The following SIPA1L3 variants were observed in gnomAD, a reference collection of about 807,000 sequenced individuals.
The protein encoded by SIPA1L3 is signal-induced proliferation-associated 1-like protein 3.
Under a neutral mutation model 150.1 loss-of-function variants are expected in SIPA1L3, and 59 were observed. That is an observed-to-expected ratio of 0.39 (90% confidence interval 0.32 to 0.49). The LOEUF is 0.49. Among genes scored for constraint, SIPA1L3 ranks in the 20% least tolerant of loss-of-function variants. The pLI, the probability that SIPA1L3 is intolerant of heterozygous loss-of-function variation, is 0.86. For synonymous variants in SIPA1L3, 1,070 were observed against 1,077.6 expected, an observed-to-expected ratio of 0.99 and a Z score of 0.14; for missense variants, 2,211 against 2,489.5, an observed-to-expected ratio of 0.89 and a Z score of 2.38.
chr19:38,195,792 G>GGCC (rs1972909893), intron 18 of SIPA1L3, among the ~76,000 whole-genome samples: 1 of 22,804 alleles, frequency 4.4e-5, no homozygotes, highest in African/African-American at 2.5e-4. Flanking sequence ...CACAGGCCCC[G>GGCC]TCCCCCCCCG....
In SIPA1L3 at chr19:38,203,459, TGCGCG is replaced by T. The variant is rs1185603545; in HGVS notation, c.5121-667_5121-663del. On this transcript the variant is annotated intron_variant, in intron 20 of 21. Coordinates refer to ENST00000222345, the MANE Select transcript of SIPA1L3 (RefSeq NM_015073.3). ...GCCCCAACTCCAAGCAGGAAAGGGC[TGCGCG>T]TTCTCTGCAGCGGCCAGGCAGGCCC... 1.8e-3 allele frequency among the ~76,000 whole-genome samples: 270 copies of T among 152,318 alleles called. 1 individual carries two copies. The highest frequency in any genetic ancestry group is 6.0e-3 in the African/African-American group (248 of 41,542).
intron 9 of SIPA1L3, among the ~76,000 whole-genome samples, chr19:38,129,915 A>C (rs1971268050): frequency 6.6e-6 from 1 of 152,068 alleles, no homozygotes; most frequent in African/African-American, 2.4e-5. Context: ...AAAAATACAA[A>C]AATTAGCCAG....
chr19:37,963,927 T>A (rs945707587), intron 1 of SIPA1L3: 3 of 152,116 alleles, frequency 2.0e-5, no homozygotes, highest in African/African-American at 7.2e-5. Context: ...AGTTGTTGGG[T>A]TTGGTTTTTG....
At chr19:38,088,153 G>A (rs1321661945) in intron 3 of SIPA1L3, among the ~76,000 whole-genome samples, 4 of 152,256 alleles carry the variant, frequency 2.6e-5, no homozygotes, top group Non-Finnish European at 5.9e-5. Flanking sequence ...CATCATGTGC[G>A]TACTATGTGC....
chr19:38,064,938 C>T (rs1175402914), intron 2 of SIPA1L3, among the ~76,000 whole-genome samples: 1 of 152,230 alleles, frequency 6.6e-6, no homozygotes, highest in East Asian at 1.9e-4. Context: ...TCTATCCACT[C>T]TGCTGCAGCC....
intron 10 of SIPA1L3, among the ~76,000 whole-genome samples, chr19:38,138,084 T>C (rs1356319986): frequency 6.6e-6 from 1 of 151,754 alleles, no homozygotes; most frequent in African/African-American, 2.4e-5. Flanking sequence ...TGAGCCAGGA[T>C]CACGCCACTG....
intron 6 of SIPA1L3, chr19:38,106,307 A>T: frequency 2.5e-6 from 1 of 403,002 alleles, no homozygotes. Flanking sequence ...GGGTTTCACC[A>T]TGTTGGCCAG....
intron 1 of SIPA1L3, among the ~76,000 whole-genome samples, chr19:37,958,399 C>G (rs1477256370): frequency 6.6e-6 from 1 of 152,132 alleles, no homozygotes; most frequent in Non-Finnish European, 1.5e-5. Context: ...ACACTCCAGC[C>G]TGGGCAACCG....
intron 2 of SIPA1L3, among the ~76,000 whole-genome samples, chr19:38,074,375 A>T (rs1969791853): frequency 6.6e-6 from 1 of 152,228 alleles, no homozygotes; most frequent in Non-Finnish European, 1.5e-5. Context: ...TTGCATAAGC[A>T]AGTCAGGGTC....
At chr19:38,088,994 A>G (rs887291953) in intron 4 of SIPA1L3, 143 bp downstream of exon 4, 1 of 851,968 alleles carries the variant, frequency 1.2e-6, no homozygotes, top group East Asian at 2.8e-5. Flanking sequence ...TAGTCTCTCC[A>G]TCTCACAGAG....
chr19:38,070,443 G>A (rs1969691771), intron 2 of SIPA1L3, among the ~76,000 whole-genome samples: 1 of 152,168 alleles, frequency 6.6e-6, no homozygotes, highest in Non-Finnish European at 1.5e-5. Flanking sequence ...TTTCTCTACT[G>A]GAGGTCCATT....
At chr19:38,002,392 A>C (rs1967826171) in intron 1 of SIPA1L3, among the ~76,000 whole-genome samples, 1 of 152,150 alleles carries the variant, frequency 6.6e-6, no homozygotes, top group South Asian at 2.1e-4. Context: ...TATGAGGCTA[A>C]ATAATATTCC....
rs561385851 is a variant in SIPA1L3, at chr19:38,055,472, C to T, written c.-310-25784C>T. Among the ~76,000 whole-genome samples the T allele has an allele frequency of 4.6e-5, 7 of 152,344 alleles. No homozygotes were observed. In the East Asian group the frequency reaches 9.6e-4, roughly 21 times the overall value. ...TTATTTATTAGGAAAACAATAGCTT[C>T]GCCAAAAGGTCCCATCCCCCATCCC... On this transcript the variant is annotated intron_variant, in intron 2 of 21. Coordinates refer to ENST00000222345, the MANE Select transcript of SIPA1L3 (RefSeq NM_015073.3).
At chr19:38,043,797 C>T (rs963513364) in intron 2 of SIPA1L3, among the ~76,000 whole-genome samples, 5 of 152,156 alleles carry the variant, frequency 3.3e-5, no homozygotes, top group Admixed American at 2.0e-4. Flanking sequence ...AAAGAGGGCA[C>T]GGAGGAGCTG....
chr19:38,109,770 A>G lies in SIPA1L3; in HGVS notation c.2134-457A>G, dbSNP rs113767675. On this transcript the variant is annotated intron_variant, in intron 7 of 21. Transcript: ENST00000222345. ...GGAGCTGCCACTTCAATGGGAAGAGACAAGAAACAAAATGAAGTGGGGAAA... is the reference window on the plus strand; with the variant it reads ...GGAGCTGCCACTTCAATGGGAAGAGGCAAGAAACAAAATGAAGTGGGGAAA... 1.9e-3 allele frequency: 309 copies of G among 164,296 alleles called. 3 individuals are homozygous for G. The highest frequency in any genetic ancestry group is 7.1e-3 in the African/African-American group (299 of 42,142). 10.2% of individuals were successfully genotyped at this position (164,296 alleles called of 1,614,324 possible). A position where few individuals can be genotyped will look rare whatever the true frequency, so the allele number is the denominator to read the frequency against.
chr19:37,913,250 T>C (rs1391600565), intron 1 of SIPA1L3, among the ~76,000 whole-genome samples: 2 of 152,142 alleles, frequency 1.3e-5, no homozygotes, highest in African/African-American at 4.8e-5. Flanking sequence ...CTATTCTTAT[T>C]TTATTGAGTT....
rs184880489 is a variant in SIPA1L3 at position 38,181,537 on chromosome 19, G to T, written c.4209-982G>T. On this transcript the variant is annotated intron_variant, in intron 15 of 21. Transcript: ENST00000222345. The stretch of plus-strand genomic sequence containing the variant: ...AATGCCCCCTTTTATATACACATGC[G>T]TATGTTTTTGCATAGAAAAAGGTTG... Among the ~76,000 whole-genome samples, 117 of 151,430 alleles carry T rather than the reference G, an allele frequency of 7.7e-4. 1 individual carries two copies. The East Asian group carries it at 0.015, about 19-fold the overall frequency.
intron 9 of SIPA1L3, among the ~76,000 whole-genome samples, chr19:38,128,894 T>TA (rs397941645): frequency 0.03 from 4,444 of 145,926 alleles, 210 homozygotes; most frequent in African/African-American, 0.1. Flanking sequence ...GACTCCGTCT[T>TA]AAAAAAAAAA....
intron 10 of SIPA1L3, among the ~76,000 whole-genome samples, chr19:38,139,087 T>C (rs1971510498): frequency 6.6e-6 from 1 of 151,272 alleles, no homozygotes; most frequent in African/African-American, 2.4e-5. Context: ...TCCTAGCTAC[T>C]CAGGAGGCTA....
Sources: allele counts gnomAD v4.1 joint callset (sites outside exome capture counted in the v4.1 genomes callset), GRCh38; gene constraint gnomAD v4.1.1; transcripts MANE v1.5; gene names NCBI Gene and HGNC (gene_info 2026-07-23, HGNC 2026-07-21).